Variants in TMC1 observed in about 807,000 individuals in gnomAD.
TMC1 encodes the protein transmembrane channel-like protein 1.
TMC1 carries 84 observed loss-of-function variants against 105.8 expected under a neutral mutation model. That is an observed-to-expected ratio of 0.79 (90% CI 0.67 to 0.95). The LOEUF (loss-of-function observed/expected upper bound fraction) is 0.95, where lower values mean the gene tolerates loss of function less well. Among genes scored for constraint, TMC1 ranks in the 40% least tolerant of loss-of-function variants. The probability of loss-of-function intolerance (pLI) is 0.00; values close to 1 mark genes in which losing one functional copy is unlikely to be tolerated. For missense variants in TMC1, 817 were observed against 914.1 expected, an observed-to-expected ratio of 0.89 and a Z score of 1.37; for synonymous variants, 315 against 311.5, an observed-to-expected ratio of 1.01 and a Z score of -0.12.
At chr9:72,570,903 G>T (rs1241090502) in intron 1 of TMC1, among the ~76,000 whole-genome samples, 2 of 149,442 alleles carry the variant, frequency 1.3e-5, no homozygotes, top group Admixed American at 6.6e-5. Context: ...TGGCCAGGCT[G>T]GTCTCGAACT....
chr9:72,608,706 A>G (rs1373109902), intron 2 of TMC1, among the ~76,000 whole-genome samples: 2 of 149,558 alleles, frequency 1.3e-5, no homozygotes, highest in African/African-American at 4.9e-5. Context: ...TCATCTCAAA[A>G]AAAAAAAAAA....
intron 7 of TMC1, among the ~76,000 whole-genome samples, chr9:72,696,231 C>T (rs1826548370): frequency 1.3e-5 from 2 of 152,174 alleles, no homozygotes; most frequent in Non-Finnish European, 2.9e-5. Context: ...CCATGTGAAG[C>T]AACTGGATCC....
At position 72,601,936 on chromosome 9, in the gene TMC1, A is replaced by G. The variant is rs550496008; in HGVS notation, c.-305-14432A>G. On this transcript the variant is annotated intron_variant, in intron 2 of 23. Coordinates refer to ENST00000297784, the MANE Select transcript of TMC1 (RefSeq NM_138691.3). The stretch of plus-strand genomic sequence containing the variant: ...AATATTGGCATGTATCTAATGAGAC[A>G]TCTCAGGGATGGGACCCAAGCCTAA... Among the ~76,000 whole-genome samples, 21 of 152,350 alleles carry G rather than the reference A, an allele frequency of 1.4e-4. No homozygotes were observed. In the East Asian group the frequency reaches 3.7e-3, roughly 27 times the overall value.
intron 3 of TMC1, among the ~76,000 whole-genome samples, chr9:72,624,704 A>C (rs1411276834): frequency 6.6e-6 from 1 of 152,166 alleles, no homozygotes; most frequent in Non-Finnish European, 1.5e-5. Context: ...TCCACTACTG[A>C]TTGTTTGTAG....
intron 2 of TMC1, among the ~76,000 whole-genome samples, chr9:72,614,469 A>G (rs1825087560): frequency 1.3e-5 from 2 of 152,206 alleles, no homozygotes; most frequent in Non-Finnish European, 2.9e-5. Context: ...ACTGGCAAAA[A>G]TCAGATCATC....
intron 8 of TMC1, among the ~76,000 whole-genome samples, chr9:72,717,044 G>T (rs1484199166): frequency 6.6e-6 from 1 of 152,214 alleles, no homozygotes; most frequent in African/African-American, 2.4e-5. Context: ...CTTCCTGGGT[G>T]AGGCAACGCC....
At chr9:72,778,126 T>C (rs1198469441) in intron 13 of TMC1, among the ~76,000 whole-genome samples, 1 of 152,214 alleles carries the variant, frequency 6.6e-6, no homozygotes, top group Non-Finnish European at 1.5e-5. Context: ...TAATTTTATG[T>C]TGTTGTTATC....
In TMC1 at chr9:72,752,540, G is replaced by A. The variant is rs971944568; in HGVS notation, c.642+584G>A. 3.9e-5 allele frequency among the ~76,000 whole-genome samples: 6 copies of A among 152,110 alleles called. No individual in the cohort carries two copies. The East Asian group carries it at 5.8e-4, about 15-fold the overall frequency. ...CCAAAGTCAGAAACTAAAACACATA[G>A]AGGGTCCAAATCAAAGAAGACAAAG... On this transcript the variant is annotated intron_variant, in intron 11 of 23. Transcript: ENST00000297784.
chr9:72,594,681 G>T (rs1391070403), intron 2 of TMC1, among the ~76,000 whole-genome samples: 1 of 152,100 alleles, frequency 6.6e-6, no homozygotes, highest in Non-Finnish European at 1.5e-5. Flanking sequence ...TTATGTGACT[G>T]ATTTCATATT....
chr9:72,700,552 A>G lies in TMC1; in HGVS notation c.271A>G (p.Arg91Gly). 5 of 1,601,850 alleles carry G rather than the reference A, an allele frequency of 3.1e-6. No individual in the cohort carries two copies. Among genetic ancestry groups the G allele is most frequent in the Non-Finnish European group, 3.4e-6 (4 of 1,171,672 alleles). The change falls in exon 8 of 24, where the codon AGA becomes GGA. Residue 91 changes from arginine (R) to glycine (G), a missense_variant. Physicochemically the swap from Arg to Gly is moderately radical, Grantham distance 125 (BLOSUM62 -2). Coordinates refer to ENST00000297784, the MANE Select transcript of TMC1 (RefSeq NM_138691.3). Reference protein sequence around the residue: ...EEEIDEEELERLKAELDEKRQ... With the variant: ...EEEIDEEELEGLKAELDEKRQ... ...AGAAATTGATGAAGAGGAATTGGAAAGATTGAAGGCAGAGTTAGATGAGAA... is the reference window on the plus strand; with the variant it reads ...AGAAATTGATGAAGAGGAATTGGAAGGATTGAAGGCAGAGTTAGATGAGAA...
chr9:72,705,451 C>T (rs1023970642), intron 8 of TMC1, among the ~76,000 whole-genome samples: 5 of 152,174 alleles, frequency 3.3e-5, no homozygotes, highest in African/African-American at 4.8e-5. Flanking sequence ...AAACTGCTAT[C>T]CTCCAAAGTC....
chr9:72,705,354 T>C (rs1826721173), intron 8 of TMC1, among the ~76,000 whole-genome samples: 2 of 152,244 alleles, frequency 1.3e-5, no homozygotes, highest in Non-Finnish European at 2.9e-5. Context: ...ACTTGGACTT[T>C]GAGCTAAGTG....
chr9:72,615,901 C>T lies in TMC1; in HGVS notation c.-305-467C>T, dbSNP rs117976206. Among the ~76,000 whole-genome samples the T allele has an allele frequency of 5.8e-3, 888 of 152,034 alleles. 6 individuals carry two copies. Among genetic ancestry groups the T allele is most frequent in the Non-Finnish European group, 9.2e-3 (624 of 67,978 alleles). Reference sequence around the variant, plus strand: ...CCTGAGTAGCTGGGCTACAGGCGTCCGTCACCACACTCAGCTAATTTTTTT... The same window carrying T: ...CCTGAGTAGCTGGGCTACAGGCGTCTGTCACCACACTCAGCTAATTTTTTT... On this transcript the variant is annotated intron_variant, in intron 2 of 23. Coordinates refer to ENST00000297784, the MANE Select transcript of TMC1 (RefSeq NM_138691.3).
At chr9:72,719,563 G>T (rs531367615) in intron 8 of TMC1, among the ~76,000 whole-genome samples, 2 of 152,280 alleles carry the variant, frequency 1.3e-5, no homozygotes, top group East Asian at 3.9e-4. Context: ...AGTCCTGCAG[G>T]AGCAACCTGT....
intron 1 of TMC1, among the ~76,000 whole-genome samples, chr9:72,538,891 T>G (rs531007653): frequency 2.8e-4 from 43 of 152,200 alleles, no homozygotes; most frequent in Admixed American, 9.2e-4. Context: ...GCTGGTCATT[T>G]GTGTCTAAAC....
intron 5 of TMC1, among the ~76,000 whole-genome samples, chr9:72,660,051 G>A (rs1024391622): frequency 1.3e-5 from 2 of 152,092 alleles, no homozygotes; most frequent in African/African-American, 4.8e-5. Flanking sequence ...TTGAGGAGGA[G>A]GATCATCAAT....
At chr9:72,719,317 A>G (rs1826976173) in intron 8 of TMC1, among the ~76,000 whole-genome samples, 2 of 152,156 alleles carry the variant, frequency 1.3e-5, no homozygotes, top group Admixed American at 1.3e-4. Context: ...CTGTGAGACA[A>G]GTCAGAAATT....
chr9:72,807,896 G>A (rs868586052), intron 18 of TMC1, among the ~76,000 whole-genome samples: 2 of 152,106 alleles, frequency 1.3e-5, no homozygotes, highest in African/African-American at 4.8e-5. Flanking sequence ...GAACCACACT[G>A]GTGCTGACTC....
At chr9:72,801,068 C>T (rs980664981) in intron 17 of TMC1, among the ~76,000 whole-genome samples, 1 of 152,178 alleles carries the variant, frequency 6.6e-6, no homozygotes, top group Non-Finnish European at 1.5e-5. Flanking sequence ...TTCCTCTTCT[C>T]CTCCATGGAT....
Sources: gnomAD v4.1 joint callset for allele counts (sites outside exome capture counted in the v4.1 genomes callset) on GRCh38, gnomAD v4.1.1 for gene constraint, MANE v1.5 for transcripts, NCBI Gene and HGNC (gene_info 2026-07-23, HGNC 2026-07-21) for gene names.